TCF7L2: variants seen among roughly 807,000 people sequenced by gnomAD.
TCF7L2 encodes transcription factor 7 like 2.
In TCF7L2, 23 loss-of-function variants were observed where a neutral mutation model predicts 77.9. The ratio of observed to expected loss-of-function variants is 0.30; its 90% CI spans 0.21 to 0.42. The LOEUF is 0.42. Ranked by LOEUF, TCF7L2 falls within the 10% of genes least tolerant of loss-of-function variation. The pLI is 1.00. For missense variants in TCF7L2, 654 were observed against 793.1 expected (o/e 0.82, Z 2.11); for synonymous variants, 413 against 340.2 (o/e 1.21, Z -2.36).
At chr10:113,134,877 G>GT in intron 5 of TCF7L2, among the ~76,000 whole-genome samples, 1 of 152,314 alleles carries the variant, frequency 6.6e-6, no homozygotes, top group Non-Finnish European at 1.5e-5. Context: ...TGTTGCTTTA[G>GT]TTTTATTGTG....
At chr10:112,985,623 G>GGGGA (rs1169410915) in intron 4 of TCF7L2, among the ~76,000 whole-genome samples, 2 of 152,294 alleles carry the variant, frequency 1.3e-5, no homozygotes, top group East Asian at 3.9e-4. Context: ...GGTAAACAGA[G>GGGGA]TGTTATATGA....
At chr10:113,153,740 C>G (rs1268109022) in intron 11 of TCF7L2, among the ~76,000 whole-genome samples, 3 of 152,340 alleles carry the variant, frequency 2.0e-5, no homozygotes, top group African/African-American at 7.2e-5. Flanking sequence ...CAAGTTATTA[C>G]AGGGATTCAG....
At chr10:112,965,629 ATGTGTGTGTGTGTG>A (rs59587175) in intron 4 of TCF7L2, among the ~76,000 whole-genome samples, 4,097 of 137,300 alleles carry the variant, frequency 0.03, 105 homozygotes, top group African/African-American at 0.071. Flanking sequence ...GTGTGTGTAT[ATGTGTGTGTGTGTG>A]TGTGTGTGTG....
chr10:112,985,689 G>C (rs1440007819), intron 4 of TCF7L2, among the ~76,000 whole-genome samples: 5 of 152,132 alleles, frequency 3.3e-5, no homozygotes, highest in Non-Finnish European at 7.3e-5. Context: ...TGGGTGGAAG[G>C]GTCCTCGATT....
chr10:113,129,717 G>A (rs1239550839), intron 5 of TCF7L2: 34 of 1,210,300 alleles, frequency 2.8e-5, no homozygotes, highest in South Asian at 7.6e-5. Flanking sequence ...AGTTCTTTAA[G>A]TGAAAGGTTT....
At chr10:113,129,522 C>T (rs910386814) in intron 5 of TCF7L2, 15 of 1,007,032 alleles carry the variant, frequency 1.5e-5, no homozygotes, top group Non-Finnish European at 1.7e-5. Flanking sequence ...AATCTGCAAC[C>T]AGCTGAACTC....
At chr10:113,025,974 G>A (rs986198212) in intron 4 of TCF7L2, among the ~76,000 whole-genome samples, 1 of 151,932 alleles carries the variant, frequency 6.6e-6, no homozygotes, top group Non-Finnish European at 1.5e-5. Context: ...TGCCTCCCGG[G>A]TTCAAGTGAT....
At chr10:113,148,223 A>AC (rs2069922314) in intron 8 of TCF7L2, among the ~76,000 whole-genome samples, 1 of 151,704 alleles carries the variant, frequency 6.6e-6, no homozygotes, top group Admixed American at 6.6e-5. Context: ...CCACCCTGTG[A>AC]CCCCCTTTAG....
intron 5 of TCF7L2, among the ~76,000 whole-genome samples, chr10:113,078,078 G>A (rs2058917110): frequency 6.6e-6 from 1 of 151,256 alleles, no homozygotes; most frequent in Non-Finnish European, 1.5e-5. Context: ...TTCATTATAT[G>A]GATATCCCAT....
intron 4 of TCF7L2, among the ~76,000 whole-genome samples, chr10:112,994,096 T>C (rs1370843009): frequency 1.3e-5 from 2 of 152,048 alleles, no homozygotes; most frequent in Non-Finnish European, 2.9e-5. Context: ...CTGAGATATT[T>C]AGAAACCATA....
chr10:113,123,429 GA>G (rs1467673775), intron 5 of TCF7L2, among the ~76,000 whole-genome samples: 1 of 152,178 alleles, frequency 6.6e-6, no homozygotes, highest in Non-Finnish European at 1.5e-5. Context: ...TCTTTAGTCG[GA>G]TACACATAAG....
At chr10:113,043,436 A>G (rs180707129) in intron 5 of TCF7L2, among the ~76,000 whole-genome samples, 525 of 152,364 alleles carry the variant, frequency 3.4e-3, no homozygotes, top group Non-Finnish European at 6.1e-3. Flanking sequence ...TAGCTGATAT[A>G]GCATCTCATT....
intron 4 of TCF7L2, among the ~76,000 whole-genome samples, chr10:112,978,256 T>C (rs1282069001): frequency 6.6e-6 from 1 of 152,300 alleles, no homozygotes; most frequent in African/African-American, 2.4e-5. Context: ...CCCTCTCTAT[T>C]TTTTAATAGC....
rs147585307 is a variant in TCF7L2, at chr10:113,089,881, G to A, written c.552+49755G>A. On this transcript the variant is annotated intron_variant, in intron 5 of 13. Transcript: ENST00000627217. ...ATCCCATTAAACTTGGCCCCAGGAA[G>A]TGTCTCTTGGGACTCTTCACAGTTC... is the stretch of plus-strand genomic sequence containing the variant. Among the ~76,000 whole-genome samples, 746 of 152,276 alleles carry A rather than the reference G, an allele frequency of 4.9e-3. 5 individuals carry two copies. Among genetic ancestry groups the A allele is most frequent in the African/African-American group, 0.017 (719 of 41,554 alleles).
chr10:113,165,455 C>G, intron 13 of TCF7L2, 100 bp from the exon 15 acceptor site: 1 of 1,317,132 alleles, frequency 7.6e-7, no homozygotes, highest in Non-Finnish European at 1.1e-6. Context: ...CTCTGTGGGA[C>G]ATCCCTTAGG....
intron 5 of TCF7L2, among the ~76,000 whole-genome samples, chr10:113,074,039 T>C (rs771679817): frequency 1.1e-4 from 17 of 152,156 alleles, no homozygotes; most frequent in Non-Finnish European, 2.1e-4. Context: ...GTGAGCTGGC[T>C]GTAGCTGGTC....
chr10:113,159,801 T>G, intron 12 of TCF7L2, 119 bp from the exon 14 acceptor site: 1 of 688,182 alleles, frequency 1.5e-6, no homozygotes, highest in Admixed American at 2.3e-5. Context: ...TTTTTTATTT[T>G]TATTTTTTTC....
rs117191634 is a variant in TCF7L2 at position 113,146,621 on chromosome 10, G to T, written c.875+524G>T. Among the ~76,000 whole-genome samples the T allele has an allele frequency of 7.5e-3, 1,032 of 137,722 alleles. 5 individuals are homozygous for T. The highest frequency in any genetic ancestry group is 0.011 in the Non-Finnish European group (704 of 63,032). 90.4% of individuals were successfully genotyped at this position (137,722 alleles called of 152,430 possible). On this transcript the variant is annotated intron_variant, in intron 8 of 13. Transcript: ENST00000627217. ...TAGCCGTGTTTTTAAAAAAGTTTTT[G>T]TTTTTTTTTTTTTAAAAAAAAGATA...
intron 4 of TCF7L2, 65 bp downstream of exon 4, chr10:112,964,689 C>A: frequency 7.3e-7 from 1 of 1,369,934 alleles, no homozygotes; most frequent in Non-Finnish European, 1.0e-6. Context: ...GTGTTTTATT[C>A]TCCGCCCCTT....
Sources: allele counts gnomAD v4.1 joint callset (sites outside exome capture counted in the v4.1 genomes callset), GRCh38; gene constraint gnomAD v4.1.1; transcripts MANE v1.5; gene names NCBI Gene and HGNC (gene_info 2026-07-23, HGNC 2026-07-21).